The following INTS1 variants were observed in gnomAD, a reference collection of about 807,000 sequenced individuals.
INTS1 encodes the protein integrator complex subunit 1.
INTS1 carries 137 observed loss-of-function variants against 241.6 expected under a neutral mutation model. The ratio of observed to expected loss-of-function variants is 0.57; its 90% CI spans 0.49 to 0.65. The LOEUF (loss-of-function observed/expected upper bound fraction) is 0.65, where lower values mean the gene tolerates loss of function less well. Ranked by LOEUF, INTS1 falls within the 30% of genes least tolerant of loss-of-function variation. The probability of loss-of-function intolerance (pLI) is 0.00; values close to 1 mark genes in which losing one functional copy is unlikely to be tolerated. For missense variants in INTS1, 3,073 were observed against 3,032.2 expected (o/e 1.01, Z -0.32); for synonymous variants, 1,692 against 1,337.8 (o/e 1.26, Z -5.78).
intron 18 of INTS1, among the ~76,000 whole-genome samples, chr7:1,488,284 TAGCCTAGTTTGAC>T (rs894751008): frequency 1.3e-5 from 2 of 152,130 alleles, no homozygotes; most frequent in Non-Finnish European, 2.9e-5. Context: ...GCTGGGAGCA[TAGCCTAGTTTGAC>T]AGCCATGTAG....
chr7:1,499,035 G>A lies in INTS1; in HGVS notation c.1077C>T (p.Gly359=). 1 of 1,573,046 alleles carries A rather than the reference G, an allele frequency of 6.4e-7. No individual in the cohort carries two copies. The highest frequency in any genetic ancestry group is 8.6e-7 in the Non-Finnish European group (1 of 1,161,402). The change falls in exon 8 of 48, where the codon GGC becomes GGT. Residue 359 remains glycine (G), a synonymous_variant. Transcript: ENST00000404767. ...CCGCCAGCAGCCGCACCTCCTTATAGCCGCAGGTGGAGGTGAGGAGCCGCA... is the reference window on the plus strand; with the variant it reads ...CCGCCAGCAGCCGCACCTCCTTATAACCGCAGGTGGAGGTGAGGAGCCGCA... ...NLLRLLTSTC[G]YKEVRLLAVQ...
chr7:1,495,246 G>A (rs556475680), intron 13 of INTS1, among the ~76,000 whole-genome samples, 187 bp downstream of exon 13: 23 of 152,342 alleles, frequency 1.5e-4, no homozygotes, highest in East Asian at 5.8e-4. Flanking sequence ...GCTGCTGTCC[G>A]CAGAGAGGGG....
intron 31 of INTS1, among the ~76,000 whole-genome samples, chr7:1,479,207 G>A (rs901094487): frequency 5.9e-5 from 9 of 152,240 alleles, no homozygotes; most frequent in African/African-American, 2.2e-4. Flanking sequence ...CCGAGCCTGG[G>A]TGGTGCAAAC....
In INTS1 at chr7:1,471,235, G is replaced by A. The variant is rs1225866922; in HGVS notation, c.6256-11C>T. ...CCGCTGCAGGTTGGTCTGACCGGGG[G>A]AAAGGTGGGAGGTGTGTGACCAAGG... On this transcript the variant is annotated splice_polypyrimidine_tract_variant and intron_variant, in intron 45 of 47. Transcript: ENST00000404767. 7.0e-6 allele frequency: 11 copies of A among 1,567,640 alleles called. No individual in the cohort carries two copies. Among genetic ancestry groups the A allele is most frequent in the Middle Eastern group, 1.7e-4 (1 of 6,016 alleles).
chr7:1,471,940 G>A (rs1264849102), intron 44 of INTS1, among the ~76,000 whole-genome samples: 1 of 152,140 alleles, frequency 6.6e-6, no homozygotes, highest in Non-Finnish European at 1.5e-5. Context: ...CTCAGCCTTG[G>A]CTGTCCTCTG....
At chr7:1,498,380 G>A (rs563722471) in intron 10 of INTS1, 32 bp downstream of exon 10, 72 of 1,611,800 alleles carry the variant, frequency 4.5e-5, no homozygotes, top group African/African-American at 2.0e-4. Context: ...ATATTCCGGC[G>A]TGGAGGGCAA....
rs1235363405 is a variant in INTS1 at position 1,493,954 on chromosome 7, C to T, written c.1911-43G>A. On this transcript the variant is annotated intron_variant, in intron 14 of 47. Transcript: ENST00000404767. This position sits in a 1 kb window ranked among gnomAD's most constrained non-coding sequence, Gnocchi z 5.3. Reference sequence around the variant, plus strand: ...CATGACTCGGTGTGGGCTGCCCACACCTGCCAGACCTGAGGGGCCGAGGAC... The same window carrying T: ...CATGACTCGGTGTGGGCTGCCCACATCTGCCAGACCTGAGGGGCCGAGGAC... 2.0e-6 allele frequency: 3 copies of T among 1,528,924 alleles called. No individual in the cohort carries two copies. The highest frequency in any genetic ancestry group is 4.0e-5 in the Admixed American group (2 of 49,484). The allele number at this position is 1,528,924 out of a possible 1,614,324, so 94.7% of individuals were successfully genotyped here.
chr7:1,487,616 A>G (rs1226895202), intron 19 of INTS1, 144 bp downstream of exon 19: 1 of 1,271,200 alleles, frequency 7.9e-7, no homozygotes, highest in Non-Finnish European at 1.1e-6. Flanking sequence ...TAAGCCAGGG[A>G]CGCGGGGACG....
chr7:1,477,615 G>C lies in INTS1; in HGVS notation c.4873C>G (p.Leu1625Val), dbSNP rs775592693. ...SGLLVDWLEM[L>V]DPEVVSSCPD... is the part of the protein sequence containing the mutation. ...CAGCTGCTGACCACCTCGGGGTCCA[G>C]CATTTCCAGCCAGTCCACTAGGAGG... Residue 1625 changes from leucine (L) to valine (V), a missense_variant, in exon 35 of 48, where the codon CTG becomes GTG. By Grantham distance (32) the Leu-to-Val change is conservative (BLOSUM62 1). Transcript: ENST00000404767. 1.9e-6 allele frequency: 3 copies of C among 1,578,874 alleles called. No homozygotes were observed. Among genetic ancestry groups the C allele is most frequent in the Non-Finnish European group, 2.6e-6 (3 of 1,164,178 alleles).
chr7:1,485,952 C>A (rs916537475), intron 22 of INTS1, among the ~76,000 whole-genome samples: 7 of 152,184 alleles, frequency 4.6e-5, no homozygotes, highest in African/African-American at 1.2e-4. Context: ...TGCTGCCACA[C>A]CCAGCTCATT....
In INTS1 at chr7:1,497,234, G is replaced by A; in HGVS notation, c.1506C>T (p.Ile502=). The change falls in exon 11 of 48, where the codon ATC becomes ATT. Residue 502 remains isoleucine (I), a synonymous_variant. Transcript: ENST00000404767. The surrounding 1 kb of genome is among the most constrained non-coding windows in gnomAD (Gnocchi z 5.3). ...TGATCTCGTGCTTGGTCTGCTTGAT[G>A]ATCTCCCGCAGCAGGGCCCGCGAGG... is the stretch of plus-strand genomic sequence containing the variant. ...LRASRALLRE[I]IKQTKHEINF... is the part of the protein sequence containing the mutation. The A allele has an allele frequency of 6.2e-7, 1 of 1,613,406 alleles. No homozygotes were observed. The highest frequency in any genetic ancestry group is 1.3e-5 in the African/African-American group (1 of 74,998).
chr7:1,504,061 C>T (rs953343185), intron 1 of INTS1, 60 bp from the exon 2 acceptor site: 24 of 900,790 alleles, frequency 2.7e-5, no homozygotes, highest in Non-Finnish European at 3.5e-5. Context: ...CTCGCTCATT[C>T]GCTCCCTTGC....
intron 18 of INTS1, among the ~76,000 whole-genome samples, chr7:1,488,280 A>G (rs957770929): frequency 2.0e-5 from 3 of 152,152 alleles, no homozygotes; most frequent in Non-Finnish European, 4.4e-5. Context: ...CTACGCTGGG[A>G]GCATAGCCTA....
chr7:1,473,067 C>G lies in INTS1; in HGVS notation c.6070+5G>C, dbSNP rs766858731. 6.3e-7 allele frequency: 1 copy of G among 1,583,910 alleles called. No homozygotes were observed. Among genetic ancestry groups the G allele is most frequent in the Admixed American group, 1.8e-5 (1 of 57,118 alleles). ...CTTCCAGCAGCCCCTGGCAGCCCCA[C>G]TCACCCTCGCCCTCTTCGTCCAGGC... On this transcript the variant is annotated splice_donor_5th_base_variant and intron_variant, in intron 43 of 47. Transcript: ENST00000404767.
chr7:1,485,524 AC>A, intron 22 of INTS1, 55 bp from the exon 23 acceptor site: 1 of 1,565,230 alleles, frequency 6.4e-7, no homozygotes, highest in African/African-American at 1.4e-5. Context: ...GCAGGGTCTC[AC>A]CCTGGCCCCG....
chr7:1,476,922 G>A lies in INTS1; in HGVS notation c.4939-4C>T. 2 of 1,609,196 alleles carry A rather than the reference G, an allele frequency of 1.2e-6. No individual in the cohort carries two copies. The highest frequency in any genetic ancestry group is 1.7e-6 in the Non-Finnish European group (2 of 1,179,062). On this transcript the variant is annotated splice_region_variant and splice_polypyrimidine_tract_variant and intron_variant, in intron 35 of 47. Transcript: ENST00000404767. The stretch of plus-strand genomic sequence containing the variant: ...GCACCTGGGCCTGACCTTTGCCCTG[G>A]GGAGGGAGGAAGAAGCCCGGATGGC...
chr7:1,498,797 T>C lies in INTS1; in HGVS notation c.1193A>G (p.His398Arg), dbSNP rs376494494. ...LMSVCMNCNT[H>R]GSEDMDVISH... is the part of the protein sequence containing the mutation. ...GATGACGTCCATGTCTTCGGAACCG[T>C]GCGTGTTGCAGTTCATGCAGACGGA... The change falls in exon 9 of 48, where the codon CAC (histidine) becomes CGC (arginine). Residue 398 changes from histidine (H) to arginine (R), a missense_variant. His to Arg is a conservative substitution (Grantham distance 29). Transcript: ENST00000404767. The C allele has an allele frequency of 1.3e-5, 21 of 1,602,836 alleles. No individual in the cohort carries two copies. In the African/African-American group the frequency reaches 1.3e-4, roughly 10 times the overall value.
intron 6 of INTS1, 23 bp downstream of exon 6, chr7:1,499,450 C>T: frequency 6.3e-7 from 1 of 1,578,948 alleles, no homozygotes; most frequent in South Asian, 1.1e-5. Context: ...CACCCGCCCT[C>T]TCTGGCTGGC....
chr7:1,473,272 G>C, intron 42 of INTS1, 88 bp from the exon 43 acceptor site: 2 of 889,724 alleles, frequency 2.2e-6, no homozygotes, highest in South Asian at 3.1e-5. Context: ...GCATGGGAGC[G>C]TGTGGACACA....
Sources: allele counts gnomAD v4.1 joint callset (sites outside exome capture counted in the v4.1 genomes callset), GRCh38; gene constraint gnomAD v4.1.1; non-coding constraint Gnocchi (gnomAD v3.1); transcripts MANE v1.5; gene names NCBI Gene and HGNC (gene_info 2026-07-23, HGNC 2026-07-21).